Variants in VILL observed in about 807,000 individuals in gnomAD.
VILL encodes the protein villin like.
In VILL, 102 loss-of-function variants were observed where a neutral mutation model predicts 106.3. The observed-to-expected ratio is 0.96, with a 90% CI of 0.82 to 1.13. The LOEUF is 1.13. VILL is among the 50% of genes most tolerant of loss of function. The probability of loss-of-function intolerance (pLI) is 0.00; values close to 1 mark genes in which losing one functional copy is unlikely to be tolerated. For missense variants in VILL, 1,076 were observed against 1,116.6 expected (o/e 0.96, Z 0.52); for synonymous variants, 431 against 440.3 (o/e 0.98, Z 0.27).
chr3:37,992,447 C>T (rs552858395), intron 1 of VILL, among the ~76,000 whole-genome samples: 6 of 152,264 alleles, frequency 3.9e-5, no homozygotes, highest in East Asian at 1.9e-4. Flanking sequence ...GGTGCACGGA[C>T]GGCTCCCTTC....
rs768546070 is a variant in VILL, at chr3:38,006,607, C to T, written c.2364C>T (p.Thr788=). 3 of 1,614,094 alleles carry T rather than the reference C, an allele frequency of 1.9e-6. No homozygotes were observed. The Admixed American group carries it at 5.0e-5, about 27-fold the overall frequency. ...GSRTSSSVSS[T]SATINGGLRR... is the part of the protein sequence containing the mutation. ...GAACCAGCAGCTCCGTCAGCAGCAC[C>T]AGCGCCACGATCAACGGGGGCCTGC... is the stretch of plus-strand genomic sequence containing the variant. The change falls in exon 19 of 20, where the codon ACC becomes ACT. Residue 788 remains threonine (T), a synonymous_variant. Coordinates refer to ENST00000383759, the MANE Select transcript of VILL (RefSeq NM_015873.4).
Position 38,007,125 on chromosome 3 carries a change from T to G in VILL, c.*70T>G, listed in dbSNP as rs1231015274. On this transcript the variant is annotated 3_prime_UTR_variant, in exon 20 of 20. Transcript: ENST00000383759. ...CCTACAATGCTGGGGAGGCCCTGCTTCCACTCCCCTCAGAGGCTTTTGGTC... is the reference window on the plus strand; with the variant it reads ...CCTACAATGCTGGGGAGGCCCTGCTGCCACTCCCCTCAGAGGCTTTTGGTC... The G allele has an allele frequency of 7.7e-7, 1 of 1,293,334 alleles. No individual in the cohort carries two copies. The highest frequency in any genetic ancestry group is 1.1e-6 in the Non-Finnish European group (1 of 900,946). The allele number at this position is 1,293,334 out of a possible 1,614,324, so 80.1% of individuals were successfully genotyped here. A position where few individuals can be genotyped will look rare whatever the true frequency, so the allele number is the denominator to read the frequency against.
intron 11 of VILL, chr3:38,000,913 C>A (rs1318752929): frequency 2.2e-6 from 1 of 456,884 alleles, no homozygotes. Context: ...AATGTCACTG[C>A]CAACACAGGG....
In VILL at chr3:37,997,924, T is replaced by C. The variant is rs1699735369; in HGVS notation, c.765-166T>C. On this transcript the variant is annotated intron_variant, in intron 7 of 19. Coordinates refer to ENST00000383759, the MANE Select transcript of VILL (RefSeq NM_015873.4). This position sits in a 1 kb window ranked among gnomAD's most constrained non-coding sequence, Gnocchi z 4.7. ...GCCCTGCCAGGGCCAGGGAGCTGCC[T>C]AAAGCTCCACAGCAAGGCTGCAGTA... Among the ~76,000 whole-genome samples the C allele has an allele frequency of 1.3e-5, 2 of 152,164 alleles. No homozygotes were observed. The highest frequency in any genetic ancestry group is 2.9e-5 in the Non-Finnish European group (2 of 68,010).
At chr3:38,004,214 C>T (rs780099823) in intron 15 of VILL, 41 bp from the exon 16 acceptor site, 4 of 1,579,012 alleles carry the variant, frequency 2.5e-6, no homozygotes, top group Non-Finnish European at 8.7e-7. Flanking sequence ...GCTGGGGTGC[C>T]CCTCTGGGTG....
Position 37,994,252 on chromosome 3 carries a change from G to A in VILL, c.136-9G>A. 1.2e-6 allele frequency: 2 copies of A among 1,600,944 alleles called. No individual in the cohort carries two copies. Among genetic ancestry groups the A allele is most frequent in the Non-Finnish European group, 1.7e-6 (2 of 1,176,544 alleles). On this transcript the variant is annotated splice_polypyrimidine_tract_variant and intron_variant, in intron 3 of 19. Transcript: ENST00000383759. ...CCGCAACACATATACACAAACACCCGGACCCTAGGTCCCCCAGAGCCCGAA... is the reference window on the plus strand; with the variant it reads ...CCGCAACACATATACACAAACACCCAGACCCTAGGTCCCCCAGAGCCCGAA...
chr3:38,004,373 A>G lies in VILL; in HGVS notation c.1924A>G (p.Ile642Val), dbSNP rs1181749349. Residue 642 changes from isoleucine (I) to valine (V), a missense_variant, in exon 16 of 20, where the codon ATC becomes GTC. Physicochemically the swap from Ile to Val is conservative, Grantham distance 29. Coordinates refer to ENST00000383759, the MANE Select transcript of VILL (RefSeq NM_015873.4). ...CCAGGAGGACCTGGACAAGTATGAC[A>G]TCATGTTACTGGACACCTGGCAGGA... ...FSQEDLDKYD[I>V]MLLDTWQEIF... is the part of the protein sequence containing the mutation. 1.2e-6 allele frequency: 2 copies of G among 1,611,010 alleles called. No homozygotes were observed. The highest frequency in any genetic ancestry group is 2.2e-5 in the South Asian group (2 of 91,016).
rs1218304633 is a variant in VILL, at chr3:38,002,478, C to T, written c.1562C>T (p.Thr521Ile). The T allele has an allele frequency of 1.2e-6, 2 of 1,614,196 alleles. No homozygotes were observed. Among genetic ancestry groups the T allele is most frequent in the Non-Finnish European group, 1.7e-6 (2 of 1,180,010 alleles). ...GTGCAAGGCACTGACAGCCACAACACCAGGACCATGGAGGTGCCAGCCCGT... is the reference window on the plus strand; with the variant it reads ...GTGCAAGGCACTGACAGCCACAACATCAGGACCATGGAGGTGCCAGCCCGT... ...FQVQGTDSHN[T>I]RTMEVPARAS... The change falls in exon 14 of 20, where the codon ACC becomes ATC. Residue 521 changes from threonine to isoleucine, a missense_variant. By Grantham distance (89) the Thr-to-Ile change is moderately conservative. Coordinates refer to ENST00000383759, the MANE Select transcript of VILL (RefSeq NM_015873.4).
intron 14 of VILL, 61 bp from the exon 15 acceptor site, chr3:38,003,107 G>A (rs573021710): frequency 7.6e-6 from 12 of 1,583,556 alleles, no homozygotes; most frequent in African/African-American, 4.0e-5. Context: ...TGAACGGGAC[G>A]TGGGGCCGGA....
chr3:38,002,128 T>TGGAGG, intron 13 of VILL: 3 of 649,808 alleles, frequency 4.6e-6, no homozygotes, highest in Non-Finnish European at 7.8e-6. Flanking sequence ...GGTCCCCACT[T>TGGAGG]TCCACCTCCA....
At chr3:37,996,431 A>G (rs962050542) in intron 5 of VILL, among the ~76,000 whole-genome samples, 2 of 152,208 alleles carry the variant, frequency 1.3e-5, no homozygotes, top group Non-Finnish European at 2.9e-5. Flanking sequence ...AAATTACAGG[A>G]AAATACTGGT....
upstream of VILL, among the ~76,000 whole-genome samples, chr3:37,988,992 A>T (rs1480913184): frequency 2.6e-5 from 4 of 152,226 alleles, no homozygotes; most frequent in African/African-American, 9.6e-5. Context: ...AGGAAAAAAG[A>T]TCCCTCTGGC....
intron 16 of VILL, 29 bp from the exon 17 acceptor site, chr3:38,005,763 C>T: frequency 6.3e-7 from 1 of 1,585,996 alleles, no homozygotes; most frequent in Non-Finnish European, 8.6e-7. Context: ...CCTCCACCTG[C>T]CCAAGGCCAG....
chr3:37,994,465 A>G lies in VILL; in HGVS notation c.340A>G (p.Ile114Val), dbSNP rs762519193. 1.2e-6 allele frequency: 2 copies of G among 1,611,924 alleles called. No homozygotes were observed. Among genetic ancestry groups the G allele is most frequent in the African/African-American group, 2.7e-5 (2 of 74,878 alleles). ...CTGCAGCTACTTCCGCCCGGGAATC[A>G]TGTGAGTGCGGGGGCGACCGGGGCA... ...CFCSYFRPGIIYRKGGLASDL... is the reference protein window; with the variant it reads ...CFCSYFRPGIVYRKGGLASDL... Residue 114 changes from isoleucine to valine, a missense_variant and splice_region_variant, in exon 4 of 20, where the codon ATC becomes GTC. Ile to Val is a conservative substitution (Grantham distance 29). Transcript: ENST00000383759.
At position 37,997,479 on chromosome 3, in the gene VILL, G is replaced by T; in HGVS notation, c.562-4G>T. On this transcript the variant is annotated splice_region_variant and splice_polypyrimidine_tract_variant and intron_variant, in intron 6 of 19. Coordinates refer to ENST00000383759, the MANE Select transcript of VILL (RefSeq NM_015873.4). This position sits in a 1 kb window ranked among gnomAD's most constrained non-coding sequence, Gnocchi z 4.7. ...CACCCTGACTCCCAGGTCCTCTCCC[G>T]CAGGGGCTGGCTTTGACCTACAGCC... 6.2e-7 allele frequency: 1 copy of T among 1,613,234 alleles called. No individual in the cohort carries two copies. Among genetic ancestry groups the T allele is most frequent in the South Asian group, 1.1e-5 (1 of 91,060 alleles).
At position 37,998,263 on chromosome 3, in the gene VILL, C is replaced by A. The variant is rs1195318955; in HGVS notation, c.844-3C>A. On this transcript the variant is annotated splice_region_variant and splice_polypyrimidine_tract_variant and intron_variant, in intron 8 of 19. Coordinates refer to ENST00000383759, the MANE Select transcript of VILL (RefSeq NM_015873.4). The surrounding 1 kb of genome is among the most constrained non-coding windows in gnomAD (Gnocchi z 4.1). Reference sequence around the variant, plus strand: ...TACTGACCAGCCCCACCCTTGCTCCCAGGACTTCTACATCCTGGACCAGGG... The same window carrying A: ...TACTGACCAGCCCCACCCTTGCTCCAAGGACTTCTACATCCTGGACCAGGG... 6.2e-7 allele frequency: 1 copy of A among 1,614,140 alleles called. No homozygotes were observed. Among genetic ancestry groups the A allele is most frequent in the East Asian group, 2.2e-5 (1 of 44,886 alleles).
chr3:37,990,572 A>G (rs549949112), upstream of VILL, among the ~76,000 whole-genome samples: 310 of 152,336 alleles, frequency 2.0e-3, 3 homozygotes, highest in Middle Eastern at 0.01. This position sits in a 1 kb window ranked among gnomAD's most constrained non-coding sequence, Gnocchi z 5.1. Flanking sequence ...ACTGGTACCC[A>G]GGCAGTGAGA....
In VILL at chr3:37,993,983, T is replaced by C; in HGVS notation, c.135+11T>C. The C allele has an allele frequency of 6.2e-7, 1 of 1,614,096 alleles. No homozygotes were observed. Reference sequence around the variant, plus strand: ...TATGTCATCCTCCACGTGAGTCGCTTGGGGAAGTCTGCCTGAGAGGGGTGG... The same window carrying C: ...TATGTCATCCTCCACGTGAGTCGCTCGGGGAAGTCTGCCTGAGAGGGGTGG... On this transcript the variant is annotated intron_variant, in intron 3 of 19. Transcript: ENST00000383759.
chr3:37,997,476 C>A lies in VILL; in HGVS notation c.562-7C>A, dbSNP rs746551875. 2 of 1,613,112 alleles carry A rather than the reference C, an allele frequency of 1.2e-6. No homozygotes were observed. Among genetic ancestry groups the A allele is most frequent in the Non-Finnish European group, 1.7e-6 (2 of 1,179,932 alleles). Reference sequence around the variant, plus strand: ...TGACACCCTGACTCCCAGGTCCTCTCCCGCAGGGGCTGGCTTTGACCTACA... The same window carrying A: ...TGACACCCTGACTCCCAGGTCCTCTACCGCAGGGGCTGGCTTTGACCTACA... On this transcript the variant is annotated splice_region_variant and splice_polypyrimidine_tract_variant and intron_variant, in intron 6 of 19. Coordinates refer to ENST00000383759, the MANE Select transcript of VILL (RefSeq NM_015873.4). The surrounding 1 kb of genome is among the most constrained non-coding windows in gnomAD (Gnocchi z 4.7).
Sources: gnomAD v4.1 joint callset for allele counts (sites outside exome capture counted in the v4.1 genomes callset) on GRCh38, gnomAD v4.1.1 for gene constraint, Gnocchi (gnomAD v3.1) non-coding constraint, MANE v1.5 for transcripts, NCBI Gene and HGNC (gene_info 2026-07-23, HGNC 2026-07-21) for gene names.